The following RIN3 variants were observed in gnomAD, a reference collection of about 807,000 sequenced individuals.
RIN3 encodes the protein Ras and Rab interactor 3.
In RIN3, 54 loss-of-function variants were observed where a neutral mutation model predicts 76.3. That is an observed-to-expected ratio of 0.71 (90% CI 0.57 to 0.89). The LOEUF (loss-of-function observed/expected upper bound fraction) is 0.89. Among genes scored for constraint, RIN3 ranks in the 40% least tolerant of loss-of-function variants. The pLI is 0.00. For synonymous variants in RIN3, 576 were observed against 564.0 expected (o/e 1.02, Z -0.30); for missense variants, 1,256 against 1,322.1 (o/e 0.95, Z 0.78).
chr14:92,594,806 A>G (rs2140081369), intron 3 of RIN3, among the ~76,000 whole-genome samples: 1 of 152,348 alleles, frequency 6.6e-6, no homozygotes, highest in South Asian at 2.1e-4. Flanking sequence ...TTCACCAACC[A>G]CATGATGGGG....
rs1294107296 is a variant in RIN3, at chr14:92,676,476, G to A, written c.2337G>A (p.Gly779=). The A allele has an allele frequency of 1.4e-5, 22 of 1,613,532 alleles. No individual in the cohort carries two copies. Among genetic ancestry groups the A allele is most frequent in the African/African-American group, 2.7e-5 (2 of 74,872 alleles). The part of the protein sequence containing the change: ...IYDSMALGNP[G]KPYGADDFLP... Reference sequence around the variant, plus strand: ...CCTCTGCCTCCTTCTTCTTCCCAGGGAAGCCCTATGGGGCGGATGACTTCC... The same window carrying A: ...CCTCTGCCTCCTTCTTCTTCCCAGGAAAGCCCTATGGGGCGGATGACTTCC... Residue 779 remains glycine (G), a splice_region_variant and synonymous_variant, in exon 8 of 10, where the codon GGG becomes GGA. Transcript: ENST00000216487.
chr14:92,688,263 G>T lies in RIN3; in HGVS notation c.*11G>T, dbSNP rs769146691. On this transcript the variant is annotated 3_prime_UTR_variant, in exon 10 of 10. Coordinates refer to ENST00000216487, the MANE Select transcript of RIN3 (RefSeq NM_024832.5). ...CCCAACTTCCTGTGAGGCCCTCCCG[G>T]GGCGCCTCCCCTCACCCCCAGGCGC... 55 of 1,559,282 alleles carry T rather than the reference G, an allele frequency of 3.5e-5. No individual in the cohort carries two copies. The South Asian group carries it at 6.0e-4, about 17-fold the overall frequency.
At position 92,641,299 on chromosome 14, in the gene RIN3, G is replaced by C. The variant is rs558650011; in HGVS notation, c.502G>C (p.Asp168His). The C allele has an allele frequency of 1.5e-5, 25 of 1,614,118 alleles. No individual in the cohort carries two copies. The South Asian group carries it at 2.6e-4, about 17-fold the overall frequency. The stretch of plus-strand genomic sequence containing the variant: ...CATCCTTGAGGCCAGCAGCTTCACG[G>C]ACCTTGAGACCATCGCCAACCTGGG... ...QAILEASSFT[D>H]LETIANLGLG... Residue 168 changes from aspartate (D) to histidine (H), a missense_variant, in exon 5 of 10, where the codon GAC becomes CAC. Physicochemically the swap from Asp to His is moderately conservative, Grantham distance 81. Coordinates refer to ENST00000216487, the MANE Select transcript of RIN3 (RefSeq NM_024832.5).
intron 3 of RIN3, among the ~76,000 whole-genome samples, chr14:92,610,476 A>G: frequency 6.6e-6 from 1 of 152,176 alleles, no homozygotes; most frequent in East Asian, 1.9e-4. Flanking sequence ...TGTTGGGCTC[A>G]GGGCAGGGGA....
intron 3 of RIN3, among the ~76,000 whole-genome samples, chr14:92,599,896 ACT>A (rs1158793842): frequency 6.6e-6 from 1 of 152,118 alleles, no homozygotes; most frequent in Non-Finnish European, 1.5e-5. Context: ...GAAATCTATG[ACT>A]CTGTGGATAT....
At chr14:92,569,473 CA>C (rs886405344) in intron 2 of RIN3, among the ~76,000 whole-genome samples, 34 of 152,152 alleles carry the variant, frequency 2.2e-4, no homozygotes, top group African/African-American at 7.5e-4. Flanking sequence ...TACAATCACC[CA>C]GGGTCCCAGG....
intron 2 of RIN3, chr14:92,576,399 A>G (rs1416290621): frequency 4.7e-6 from 6 of 1,289,774 alleles, no homozygotes; most frequent in Non-Finnish European, 6.1e-6. Flanking sequence ...TTTGGTTTCT[A>G]GAGCACAGCT....
chr14:92,639,971 C>T (rs1216812397), intron 4 of RIN3, among the ~76,000 whole-genome samples: 3 of 145,940 alleles, frequency 2.1e-5, no homozygotes, highest in Admixed American at 6.9e-5. Flanking sequence ...ACTGTGTGTT[C>T]GTCGGGGGCT....
intron 5 of RIN3, among the ~76,000 whole-genome samples, chr14:92,650,581 T>G (rs1887379056): frequency 6.6e-6 from 1 of 152,232 alleles, no homozygotes. Flanking sequence ...TGGGTCATCC[T>G]CTGTCCAGCT....
At chr14:92,572,289 C>T (rs889759889) in intron 2 of RIN3, among the ~76,000 whole-genome samples, 1 of 152,248 alleles carries the variant, frequency 6.6e-6, no homozygotes, top group African/African-American at 2.4e-5. Context: ...TGCGCATACT[C>T]ATTTGAGGCC....
At chr14:92,575,428 G>A (rs1898196680) in intron 2 of RIN3, among the ~76,000 whole-genome samples, 1 of 152,136 alleles carries the variant, frequency 6.6e-6, no homozygotes, top group Non-Finnish European at 1.5e-5. Flanking sequence ...AAGTAAAGAA[G>A]CAAAAGAATG....
intron 4 of RIN3, among the ~76,000 whole-genome samples, chr14:92,637,008 G>A (rs1886800921): frequency 6.6e-6 from 1 of 152,120 alleles, no homozygotes; most frequent in South Asian, 2.1e-4. Context: ...GTGTAGACCA[G>A]CAGTCCCCAA....
chr14:92,538,458 CTG>C (rs756985060), intron 1 of RIN3, among the ~76,000 whole-genome samples: 3 of 152,202 alleles, frequency 2.0e-5, no homozygotes, highest in African/African-American at 4.8e-5. Flanking sequence ...CTTGGGCACA[CTG>C]TGGTAGATGG....
At position 92,634,548 on chromosome 14, in the gene RIN3, G is replaced by T. The variant is rs548775758; in HGVS notation, c.441-6690G>T. ...TCTCACCGAAGGCTGCATGCACCAG[G>T]ATCCCCTCAGGAGCTGTTTAAAAAT... On this transcript the variant is annotated intron_variant, in intron 4 of 9. Transcript: ENST00000216487. 1.3e-5 allele frequency among the ~76,000 whole-genome samples: 2 copies of T among 152,188 alleles called. 1 individual carries two copies. The highest frequency in any genetic ancestry group is 4.2e-4 in the South Asian group (2 of 4,814).
intron 4 of RIN3, among the ~76,000 whole-genome samples, chr14:92,620,355 C>CAG (rs368298421): frequency 2.0e-5 from 3 of 152,040 alleles, no homozygotes; most frequent in Non-Finnish European, 2.9e-5. Flanking sequence ...AGACGTTAGG[C>CAG]AGAGAGAGAG....
intron 2 of RIN3, among the ~76,000 whole-genome samples, chr14:92,560,659 C>T (rs1332478633): frequency 6.6e-6 from 1 of 152,036 alleles, no homozygotes; most frequent in African/African-American, 2.4e-5. Flanking sequence ...GCTGGCAAGG[C>T]GCTTTGCTTC....
chr14:92,631,330 C>T (rs768189730), intron 4 of RIN3, among the ~76,000 whole-genome samples: 18 of 152,194 alleles, frequency 1.2e-4, no homozygotes, highest in Non-Finnish European at 1.9e-4. Context: ...GCAGGACGCC[C>T]CCATCCCTCT....
At chr14:92,530,812 A>T (rs534012368) in intron 1 of RIN3, among the ~76,000 whole-genome samples, 1 of 151,998 alleles carries the variant, frequency 6.6e-6, no homozygotes, top group South Asian at 2.1e-4. Context: ...AACCTCTGCA[A>T]CCTTCCAAGC....
rs566958870 is a variant in RIN3, at chr14:92,594,814, G to A, written c.367+17337G>A. Among the ~76,000 whole-genome samples, 7 of 152,278 alleles carry A rather than the reference G, an allele frequency of 4.6e-5. No individual in the cohort carries two copies. In the South Asian group the frequency reaches 1.2e-3, roughly 27 times the overall value. On this transcript the variant is annotated intron_variant, in intron 3 of 9. Coordinates refer to ENST00000216487, the MANE Select transcript of RIN3 (RefSeq NM_024832.5). ...CCTCATTTTCACCAACCACATGATG[G>A]GGTCTCATGTCTGACTGCTTCCATA...
Sources: allele counts gnomAD v4.1 joint callset (sites outside exome capture counted in the v4.1 genomes callset), GRCh38; gene constraint gnomAD v4.1.1; transcripts MANE v1.5; gene names NCBI Gene and HGNC (gene_info 2026-07-23, HGNC 2026-07-21).